Variants in SOX5 observed in about 807,000 individuals in gnomAD.
The protein encoded by SOX5 is SRY-box transcription factor 5.
Under a neutral mutation model 92.0 loss-of-function variants are expected in SOX5, and 9 were observed. That is an observed-to-expected ratio of 0.10 (90% confidence interval 0.06 to 0.17). The LOEUF (loss-of-function observed/expected upper bound fraction) is 0.17, where lower values mean the gene tolerates loss of function less well. Ranked by LOEUF, SOX5 falls within the 10% of genes least tolerant of loss-of-function variation. SOX5 has a pLI of 1.00. For missense variants in SOX5, 642 were observed against 944.5 expected (o/e 0.68, Z 4.20); for synonymous variants, 344 against 336.3 (o/e 1.02, Z -0.25).
intron 1 of SOX5, among the ~76,000 whole-genome samples, chr12:23,944,891 G>A (rs1281906755): frequency 1.3e-5 from 2 of 152,116 alleles, no homozygotes; most frequent in East Asian, 1.9e-4. Context: ...ACGTGAGTTA[G>A]TACAAGAGAA....
intron 1 of SOX5, chr12:23,920,146 C>A (rs1476420977): frequency 6.6e-6 from 1 of 151,918 alleles, no homozygotes; most frequent in Non-Finnish European, 1.5e-5. Context: ...CTAATCTCTG[C>A]TAAAAAAAAC....
At chr12:24,222,422 G>A (rs545858615) in intron 3 of SOX5, among the ~76,000 whole-genome samples, 1 of 152,202 alleles carries the variant, frequency 6.6e-6, no homozygotes, top group African/African-American at 2.4e-5. Flanking sequence ...GACTGGACAG[G>A]GGTATGAGTG....
At chr12:24,324,849 A>C (rs955628354) in intron 2 of SOX5, among the ~76,000 whole-genome samples, 1 of 152,078 alleles carries the variant, frequency 6.6e-6, no homozygotes, top group Non-Finnish European at 1.5e-5. Flanking sequence ...GGTAGTCAAT[A>C]AAGGTTAGTT....
At chr12:24,530,715 C>G (rs1281293116) in intron 1 of SOX5, among the ~76,000 whole-genome samples, 1 of 150,666 alleles carries the variant, frequency 6.6e-6, no homozygotes, top group Admixed American at 6.6e-5. Context: ...TGCACTCCAG[C>G]CTGAGTGACA....
intron 1 of SOX5, among the ~76,000 whole-genome samples, chr12:23,930,838 A>G (rs1344708287): frequency 6.6e-6 from 1 of 151,670 alleles, no homozygotes; most frequent in African/African-American, 2.4e-5. Flanking sequence ...ATGACTGTCT[A>G]GGTCTGGAAA....
At chr12:24,138,160 G>C (rs897017655) in intron 4 of SOX5, among the ~76,000 whole-genome samples, 2 of 152,188 alleles carry the variant, frequency 1.3e-5, no homozygotes, top group Admixed American at 6.5e-5. Context: ...TTGCCACTTA[G>C]AACAATGTCA....
At chr12:24,298,805 A>AT (rs894996006) in intron 2 of SOX5, among the ~76,000 whole-genome samples, 15 of 121,052 alleles carry the variant, frequency 1.2e-4, no homozygotes, top group South Asian at 1.0e-3. Context: ...AAAAAACTAC[A>AT]TTTTTTTAAC....
intron 1 of SOX5, among the ~76,000 whole-genome samples, chr12:24,547,891 ACTTAAATTCAAAT>A (rs1952798137): frequency 6.6e-6 from 1 of 152,196 alleles, no homozygotes; most frequent in African/African-American, 2.4e-5. Flanking sequence ...CAGAAATGAG[ACTTAAATTCAAAT>A]CTGAATTCAA....
At chr12:23,813,133 C>G (rs1409916237) in intron 3 of SOX5, among the ~76,000 whole-genome samples, 1 of 152,050 alleles carries the variant, frequency 6.6e-6, no homozygotes, top group South Asian at 2.1e-4. Context: ...GGGCATACAA[C>G]AATAATTGTC....
At chr12:24,346,569 AGCCTCCCCAAGTAGC>A (rs1953282258) in intron 2 of SOX5, among the ~76,000 whole-genome samples, 2 of 150,892 alleles carry the variant, frequency 1.3e-5, no homozygotes, top group African/African-American at 2.4e-5. Flanking sequence ...CTCCTGCCTC[AGCCTCCCCAAGTAGC>A]TGGGACTACA....
chr12:24,288,611 C>T (rs907454672), intron 2 of SOX5, among the ~76,000 whole-genome samples: 2 of 151,956 alleles, frequency 1.3e-5, no homozygotes, highest in African/African-American at 2.4e-5. Flanking sequence ...AAAAATAAAG[C>T]GATGCAAATG....
rs61660537 is a variant in SOX5, at chr12:24,344,281, C to CAA, written c.-174+24280_-174+24281dup. On this transcript the variant is annotated intron_variant, in intron 2 of 4. Transcript: ENST00000446891. ...CTGGCGACAGAGCAAGACTCTGTCT[C>CAA]AAAAAAAAAAAAAAAAAAAAAAAAA... Among the ~76,000 whole-genome samples the CAA allele has an allele frequency of 2.8e-3, 292 of 104,284 alleles. 7 individuals are homozygous for CAA. Among genetic ancestry groups the CAA allele is most frequent in the African/African-American group, 9.9e-3 (273 of 27,480 alleles). The allele number at this position is 104,284 out of a possible 152,430, so 68.4% of individuals were successfully genotyped here.
intron 1 of SOX5, among the ~76,000 whole-genome samples, chr12:24,418,917 A>G (rs760198195): frequency 1.2e-3 from 181 of 152,316 alleles, no homozygotes; most frequent in Non-Finnish European, 1.6e-3. Flanking sequence ...AGGTTGATCC[A>G]TTTCAGATCA....
At chr12:23,778,052 G>T (rs1214972846) in intron 3 of SOX5, among the ~76,000 whole-genome samples, 2 of 152,154 alleles carry the variant, frequency 1.3e-5, no homozygotes, top group African/African-American at 4.8e-5. Context: ...TGGTTTGATG[G>T]ACTGATCAAA....
At chr12:23,811,333 C>T (rs948110660) in intron 3 of SOX5, among the ~76,000 whole-genome samples, 1 of 152,024 alleles carries the variant, frequency 6.6e-6, no homozygotes, top group Non-Finnish European at 1.5e-5. Flanking sequence ...TATTGTTTGC[C>T]AGTAACACAT....
At chr12:24,269,112 A>T (rs1250081496) in intron 3 of SOX5, among the ~76,000 whole-genome samples, 2 of 152,176 alleles carry the variant, frequency 1.3e-5, no homozygotes, top group African/African-American at 4.8e-5. Flanking sequence ...TTTACAGTAT[A>T]TTGGGATTAT....
In SOX5 at chr12:24,531,917, G is replaced by A. The variant is rs73291670; in HGVS notation, c.-251+30412C>T. ...CTGAATATTCTGAGCAATTTCAGTC[G>A]TCGGACCTCAAGGCAGGACAGAGAA... On this transcript the variant is annotated intron_variant, in intron 1 of 4. Transcript: ENST00000446891. Among the ~76,000 whole-genome samples, 534 of 152,286 alleles carry A rather than the reference G, an allele frequency of 3.5e-3. 3 individuals carry two copies. The highest frequency in any genetic ancestry group is 0.012 in the African/African-American group (516 of 41,538).
chr12:23,957,674 C>T (rs1946436270), intron 4 of SOX5, among the ~76,000 whole-genome samples: 1 of 152,130 alleles, frequency 6.6e-6, no homozygotes, highest in Non-Finnish European at 1.5e-5. Context: ...AGACAACTTG[C>T]TTTTTTCATG....
intron 9 of SOX5, among the ~76,000 whole-genome samples, chr12:23,577,191 ATTT>A (rs1175798388): frequency 1.6e-4 from 10 of 61,406 alleles, no homozygotes; most frequent in African/African-American, 5.1e-4. Context: ...ATATATATAT[ATTT>A]TTTTTTTTTT....
Sources: allele counts gnomAD v4.1 joint callset (sites outside exome capture counted in the v4.1 genomes callset), GRCh38; gene constraint gnomAD v4.1.1; transcripts MANE v1.5; gene names NCBI Gene and HGNC (gene_info 2026-07-23, HGNC 2026-07-21).